ISCA1: variants seen among roughly 807,000 people sequenced by gnomAD.
ISCA1 encodes iron-sulfur cluster assembly 1 homolog, mitochondrial.
Under a neutral mutation model 14.7 loss-of-function variants are expected in ISCA1, and 9 were observed. The ratio of observed to expected loss-of-function variants is 0.61; its 90% CI spans 0.37 to 1.07. The LOEUF (loss-of-function observed/expected upper bound fraction) is 1.07. Ranked by LOEUF, ISCA1 falls within the 50% of genes least tolerant of loss-of-function variation. ISCA1 has a pLI of 0.01. For synonymous variants in ISCA1, 38 were observed against 54.3 expected (o/e 0.70, Z 1.32); for missense variants, 102 against 150.1 (o/e 0.68, Z 1.67).
intron 2 of ISCA1, 144 bp from the exon 3 acceptor site, chr9:86,272,256 C>T (rs909546151): frequency 3.7e-5 from 24 of 647,098 alleles, no homozygotes; most frequent in Admixed American, 1.5e-4. Flanking sequence ...GTAGCCCAGA[C>T]TGGTCTCAAA....
intron 3 of ISCA1, among the ~76,000 whole-genome samples, chr9:86,268,216 C>A (rs532091722): frequency 1.2e-4 from 19 of 152,030 alleles, no homozygotes; most frequent in Admixed American, 1.2e-3. Flanking sequence ...AGTGTTACTG[C>A]CCCTGACGGC....
intron 2 of ISCA1, among the ~76,000 whole-genome samples, chr9:86,272,533 T>C (rs998062139): frequency 2.0e-5 from 3 of 152,164 alleles, no homozygotes; most frequent in Admixed American, 6.5e-5. Context: ...CTGCAGTCAA[T>C]ACAGACAAAA....
In ISCA1 at chr9:86,266,024, C is replaced by G. The variant is rs1191554110; in HGVS notation, c.*19G>C. 3.1e-6 allele frequency: 5 copies of G among 1,611,868 alleles called. No individual in the cohort carries two copies. Among genetic ancestry groups the G allele is most frequent in the Non-Finnish European group, 3.4e-6 (4 of 1,179,802 alleles). ...CCACGAGCTTTCCTGGAACCTACGG[C>G]CAGAAGAGTCCTGAGATTTCAAATA... On this transcript the variant is annotated 3_prime_UTR_variant, in exon 4 of 4. Transcript: ENST00000375991.
intron 1 of ISCA1, among the ~76,000 whole-genome samples, chr9:86,276,870 C>CAA (rs35460722): frequency 0.42 from 16,926 of 39,830 alleles, 5,618 homozygotes; most frequent in Middle Eastern, 0.67. Context: ...GACTCTGTCT[C>CAA]AAAAAAAAAA....
At chr9:86,277,077 T>C (rs1206867640) in intron 1 of ISCA1, among the ~76,000 whole-genome samples, 1 of 152,128 alleles carries the variant, frequency 6.6e-6, no homozygotes, top group Non-Finnish European at 1.5e-5. Flanking sequence ...CCAAGTGGTT[T>C]TCTAAATTAT....
rs142125903 is a variant in ISCA1 at position 86,281,280 on chromosome 9, T to C, written c.81+1098A>G. On this transcript the variant is annotated intron_variant, in intron 1 of 3. Coordinates refer to ENST00000375991, the MANE Select transcript of ISCA1 (RefSeq NM_030940.4). ...AGGGTAATATCAAAGGCCTAAAAAA[T>C]TGATTATAAAAATAAATTCTCTCAC... Among the ~76,000 whole-genome samples the C allele has an allele frequency of 2.0e-3, 309 of 152,318 alleles. 1 individual carries two copies. Among genetic ancestry groups the C allele is most frequent in the African/African-American group, 7.3e-3 (302 of 41,572 alleles).
At chr9:86,280,957 CA>C (rs1825506945) in intron 1 of ISCA1, among the ~76,000 whole-genome samples, 1 of 129,756 alleles carries the variant, frequency 7.7e-6, no homozygotes, top group African/African-American at 3.8e-5. Context: ...AACAAACAAA[CA>C]AACAAAAAAC....
intron 1 of ISCA1, among the ~76,000 whole-genome samples, chr9:86,281,279 A>G (rs1262374134): frequency 6.6e-6 from 1 of 152,248 alleles, no homozygotes; most frequent in African/African-American, 2.4e-5. Flanking sequence ...GGCCTAAAAA[A>G]TTGATTATAA....
intron 3 of ISCA1, among the ~76,000 whole-genome samples, chr9:86,268,072 C>T (rs572602308): frequency 6.6e-6 from 1 of 151,936 alleles, no homozygotes; most frequent in Non-Finnish European, 1.5e-5. Context: ...ATTTACTATA[C>T]TTTTTATTGT....
intron 3 of ISCA1, among the ~76,000 whole-genome samples, chr9:86,270,072 A>T (rs1431506145): frequency 4.0e-5 from 6 of 151,444 alleles, no homozygotes; most frequent in Non-Finnish European, 8.8e-5. Flanking sequence ...CAATGGCAAC[A>T]GAAGCCAAAA....
In ISCA1 at chr9:86,272,028, C is replaced by G. The variant is rs1825376560; in HGVS notation, c.220G>C (p.Asp74His). 2 of 1,596,932 alleles carry G rather than the reference C, an allele frequency of 1.3e-6. 1 individual carries two copies. Among genetic ancestry groups the G allele is most frequent in the South Asian group, 2.2e-5 (2 of 89,910 alleles). ...LEYTKTKGDSDEEVIQDGVRV... is the reference protein window; with the variant it reads ...LEYTKTKGDSHEEVIQDGVRV... ...TCACCATCTTGAATAACTTCTTCATCAGAATCTCCTTTTGTCTTTGTATAT... is the reference window on the plus strand; with the variant it reads ...TCACCATCTTGAATAACTTCTTCATGAGAATCTCCTTTTGTCTTTGTATAT... The change falls in exon 3 of 4, where the codon GAT becomes CAT. Residue 74 changes from aspartate to histidine, a missense_variant. By Grantham distance (81) the Asp-to-His change is moderately conservative. Coordinates refer to ENST00000375991, the MANE Select transcript of ISCA1 (RefSeq NM_030940.4).
chr9:86,280,753 C>CT (rs1825501902), intron 1 of ISCA1, among the ~76,000 whole-genome samples: 1 of 151,974 alleles, frequency 6.6e-6, no homozygotes, highest in Non-Finnish European at 1.5e-5. Flanking sequence ...AGTTCGAGAC[C>CT]AGCCTGGGCA....
At chr9:86,272,448 G>A (rs1825382532) in intron 2 of ISCA1, among the ~76,000 whole-genome samples, 1 of 152,134 alleles carries the variant, frequency 6.6e-6, no homozygotes, top group Non-Finnish European at 1.5e-5. Context: ...CCACCATCTG[G>A]CAATCCTACC....
chr9:86,281,795 G>A (rs1825519955), intron 1 of ISCA1, among the ~76,000 whole-genome samples: 1 of 152,250 alleles, frequency 6.6e-6, no homozygotes, highest in Non-Finnish European at 1.5e-5. Flanking sequence ...AGGCACAGAG[G>A]GAGTTTCAAA....
chr9:86,276,407 C>T (rs555674855), intron 1 of ISCA1, among the ~76,000 whole-genome samples: 2 of 152,240 alleles, frequency 1.3e-5, no homozygotes, highest in African/African-American at 2.4e-5. Flanking sequence ...GGACTGGGGA[C>T]CCCTGTTCTA....
At chr9:86,281,838 G>T (rs1195186481) in intron 1 of ISCA1, 1 of 154,070 alleles carries the variant, frequency 6.5e-6, no homozygotes, top group African/African-American at 2.4e-5. Context: ...GGCAAGTAAC[G>T]CTTTGCGCGC....
At chr9:86,278,762 T>C (rs912287628) in intron 1 of ISCA1, among the ~76,000 whole-genome samples, 2 of 152,242 alleles carry the variant, frequency 1.3e-5, no homozygotes, top group Admixed American at 6.5e-5. Context: ...ATTTGATACA[T>C]GGTAATAAAC....
chr9:86,280,972 A>C (rs949841788), intron 1 of ISCA1, among the ~76,000 whole-genome samples: 29 of 125,200 alleles, frequency 2.3e-4, no homozygotes, highest in East Asian at 1.1e-3. Flanking sequence ...AAAAAACAAA[A>C]AACAAAAAAC....
At position 86,266,006 on chromosome 9, in the gene ISCA1, C is replaced by T. The variant is rs1825288207; in HGVS notation, c.*37G>A. 6.2e-7 allele frequency: 1 copy of T among 1,611,760 alleles called. No homozygotes were observed. Among genetic ancestry groups the T allele is most frequent in the Non-Finnish European group, 8.5e-7 (1 of 1,179,670 alleles). On this transcript the variant is annotated 3_prime_UTR_variant, in exon 4 of 4. Transcript: ENST00000375991. ...CAGTGAGCCCCAAAGCTTCCACGAG[C>T]TTTCCTGGAACCTACGGCCAGAAGA...
Sources: allele counts gnomAD v4.1 joint callset (sites outside exome capture counted in the v4.1 genomes callset), GRCh38; gene constraint gnomAD v4.1.1; transcripts MANE v1.5; gene names NCBI Gene and HGNC (gene_info 2026-07-23, HGNC 2026-07-21).